Variants in SUGCT observed in about 807,000 individuals in gnomAD.
SUGCT encodes the protein succinyl-CoA:glutarate-CoA transferase, also known as succinyl-CoA:glutarate CoA-transferase.
In SUGCT, 41 loss-of-function variants were observed where a neutral mutation model predicts 55.0. That is an observed-to-expected ratio of 0.74 (90% CI 0.58 to 0.97). SUGCT has a LOEUF of 0.97. Ranked by LOEUF, SUGCT falls within the 50% of genes least tolerant of loss-of-function variation. The pLI is 0.00. For synonymous variants in SUGCT, 187 were observed against 200.4 expected (o/e 0.93, Z 0.56); for missense variants, 568 against 547.8 (o/e 1.04, Z -0.37).
intron 11 of SUGCT, among the ~76,000 whole-genome samples, chr7:40,491,099 G>A (rs1394998279): frequency 3.9e-5 from 6 of 152,136 alleles, no homozygotes; most frequent in Admixed American, 2.6e-4. Flanking sequence ...AGCAAATACT[G>A]AGTGCCAGTT....
chr7:40,245,424 T>TATATATATATATATATATATATATATA (rs59609393), intron 7 of SUGCT, among the ~76,000 whole-genome samples: 10 of 11,636 alleles, frequency 8.6e-4, no homozygotes, highest in East Asian at 5.6e-3. Context: ...TATATATATA[T>TATATATATATATATATATATATATATA]TTTTTTTTTT....
At chr7:40,173,281 C>T (rs1784764609) in intron 1 of SUGCT, among the ~76,000 whole-genome samples, 1 of 152,224 alleles carries the variant, frequency 6.6e-6, no homozygotes. Context: ...CAATTGAGAG[C>T]AGCAATGGGT....
At chr7:40,816,044 G>A (rs1456660213) in intron 13 of SUGCT, among the ~76,000 whole-genome samples, 1 of 152,242 alleles carries the variant, frequency 6.6e-6, no homozygotes, top group Non-Finnish European at 1.5e-5. Context: ...GTTCCACGTT[G>A]CCAAGCTGGC....
the SUGCT span, among the ~76,000 whole-genome samples, chr7:40,991,194 T>C: frequency 6.6e-5 from 10 of 152,148 alleles, no homozygotes; most frequent in African/African-American, 2.4e-4. Context: ...TTAGCCTAAT[T>C]TCAGTATTGT....
At chr7:40,246,100 C>T (rs1032118449) in intron 7 of SUGCT, among the ~76,000 whole-genome samples, 1 of 152,102 alleles carries the variant, frequency 6.6e-6, no homozygotes, top group Admixed American at 6.6e-5. Context: ...ATAGACACTA[C>T]TCAGTTTAAG....
At chr7:40,339,822 C>T (rs184512428) in intron 9 of SUGCT, among the ~76,000 whole-genome samples, 80 of 152,258 alleles carry the variant, frequency 5.3e-4, no homozygotes, top group Non-Finnish European at 9.6e-4. Context: ...AGAAATCACC[C>T]GTCTTCTGCA....
intron 9 of SUGCT, among the ~76,000 whole-genome samples, chr7:40,382,252 CTG>C (rs1784912404): frequency 6.6e-6 from 1 of 151,904 alleles, no homozygotes; most frequent in South Asian, 2.1e-4. Context: ...AATCTAGTGA[CTG>C]TGACAATTAT....
chr7:40,631,654 T>C (rs1799794185), intron 12 of SUGCT, among the ~76,000 whole-genome samples: 1 of 152,204 alleles, frequency 6.6e-6, no homozygotes, highest in African/African-American at 2.4e-5. Context: ...GGATTCTGCC[T>C]GCAGATGTCC....
At chr7:40,959,160 G>A in the SUGCT span, among the ~76,000 whole-genome samples, 1 of 152,230 alleles carries the variant, frequency 6.6e-6, no homozygotes, top group East Asian at 1.9e-4. Context: ...ATCCACTTGA[G>A]GAGGCAGTCT....
chr7:40,535,248 G>A (rs1237670126), intron 12 of SUGCT, among the ~76,000 whole-genome samples: 1 of 152,072 alleles, frequency 6.6e-6, no homozygotes, highest in Non-Finnish European at 1.5e-5. Flanking sequence ...GGTTACAAAT[G>A]ATTCCATCAG....
At chr7:40,375,279 G>A (rs1024652660) in intron 9 of SUGCT, among the ~76,000 whole-genome samples, 4 of 152,200 alleles carry the variant, frequency 2.6e-5, no homozygotes, top group Admixed American at 1.3e-4. Context: ...GGTGAGGCAA[G>A]TTTAGAAAGA....
chr7:40,353,516 T>G (rs748129499), intron 9 of SUGCT, among the ~76,000 whole-genome samples: 2 of 152,208 alleles, frequency 1.3e-5, no homozygotes, highest in Non-Finnish European at 2.9e-5. Context: ...AAATATTTAT[T>G]CTCACAGTAA....
the SUGCT span, among the ~76,000 whole-genome samples, chr7:40,974,282 A>T: frequency 1.3e-5 from 2 of 152,148 alleles, no homozygotes; most frequent in Non-Finnish European, 2.9e-5. Context: ...GTTCCCCCAA[A>T]TTCAAATGTT....
chr7:40,434,923 C>T (rs1788091948), intron 9 of SUGCT, among the ~76,000 whole-genome samples: 1 of 152,134 alleles, frequency 6.6e-6, no homozygotes, highest in Non-Finnish European at 1.5e-5. Context: ...ATGAGAATTT[C>T]ACCTGCTGCT....
chr7:40,994,494 G>C, the SUGCT span, among the ~76,000 whole-genome samples: 11 of 151,856 alleles, frequency 7.2e-5, no homozygotes, highest in African/African-American at 2.7e-4. Context: ...AGTGTAAAGA[G>C]ATTGGAGCAC....
chr7:40,200,479 G>A (rs1786530550), intron 6 of SUGCT, among the ~76,000 whole-genome samples: 1 of 152,066 alleles, frequency 6.6e-6, no homozygotes, highest in African/African-American at 2.4e-5. Context: ...ATGACAAGGA[G>A]CCAGCCATGT....
rs1562612058 is a variant in SUGCT at position 40,249,325 on chromosome 7, A to ATATC, written c.576+11602_576+11603insCTAT. On this transcript the variant is annotated intron_variant, in intron 7 of 13. Coordinates refer to ENST00000335693, the MANE Select transcript of SUGCT (RefSeq NM_001193313.2). ...AAACACCAAAAAGCTATATATATAT[A>ATATC]TATATATATATATATATATATAATT... is the stretch of plus-strand genomic sequence containing the variant. 1.9e-4 allele frequency among the ~76,000 whole-genome samples: 22 copies of ATATC among 117,376 alleles called. 2 individuals carry two copies. In the South Asian group the frequency reaches 2.0e-3, roughly 10 times the overall value. The allele number at this position is 117,376 out of a possible 152,430, so 77.0% of individuals were successfully genotyped here.
chr7:40,269,843 T>C (rs1791886728), intron 7 of SUGCT, among the ~76,000 whole-genome samples: 1 of 152,162 alleles, frequency 6.6e-6, no homozygotes, highest in South Asian at 2.1e-4. Flanking sequence ...TAAGTGTTCT[T>C]TAAAAATTCT....
At chr7:40,390,523 C>T (rs1366282239) in intron 9 of SUGCT, among the ~76,000 whole-genome samples, 1 of 152,184 alleles carries the variant, frequency 6.6e-6, no homozygotes, top group African/African-American at 2.4e-5. Flanking sequence ...CGTGAGTGAA[C>T]TCCCATTCAC....
Sources: allele counts gnomAD v4.1 joint callset (sites outside exome capture counted in the v4.1 genomes callset), GRCh38; gene constraint gnomAD v4.1.1; transcripts MANE v1.5; gene names NCBI Gene and HGNC (gene_info 2026-07-23, HGNC 2026-07-21).